Variants in CNTNAP2 observed in about 807,000 individuals in gnomAD.
CNTNAP2 encodes the protein contactin-associated protein-like 2.
A neutral mutation model predicts 155.2 loss-of-function variants in CNTNAP2; 98 were observed. The observed-to-expected ratio is 0.63, with a 90% CI of 0.54 to 0.75. The LOEUF is 0.75. Ranked by LOEUF, CNTNAP2 falls within the 30% of genes least tolerant of loss-of-function variation. The pLI is 0.00. For synonymous variants in CNTNAP2, 651 were observed against 631.2 expected (o/e 1.03, Z -0.47); for missense variants, 1,727 against 1,688.1 (o/e 1.02, Z -0.40).
intron 1 of CNTNAP2, among the ~76,000 whole-genome samples, chr7:146,290,536 A>C (rs1049301468): frequency 2.6e-5 from 4 of 152,198 alleles, no homozygotes; most frequent in African/African-American, 9.7e-5. Flanking sequence ...AAACACTTTA[A>C]ATTCCTATTA....
intron 1 of CNTNAP2, among the ~76,000 whole-genome samples, chr7:146,186,558 T>G (rs1371820775): frequency 6.6e-6 from 1 of 152,180 alleles, no homozygotes. Flanking sequence ...TAAAAATAAC[T>G]TAATCACTTT....
chr7:147,143,525 G>C (rs1274628270), intron 8 of CNTNAP2, among the ~76,000 whole-genome samples: 1 of 151,826 alleles, frequency 6.6e-6, no homozygotes, highest in Non-Finnish European at 1.5e-5. Context: ...TCTGAGTTTA[G>C]CACAATGTCT....
intron 13 of CNTNAP2, among the ~76,000 whole-genome samples, chr7:147,890,599 A>G (rs1352259676): frequency 6.6e-6 from 1 of 152,258 alleles, no homozygotes; most frequent in Non-Finnish European, 1.5e-5. Context: ...CCAAGCGTCC[A>G]TGAATGGATG....
intron 13 of CNTNAP2, among the ~76,000 whole-genome samples, chr7:147,835,031 C>A (rs1429145729): frequency 6.6e-6 from 1 of 152,142 alleles, no homozygotes; most frequent in Non-Finnish European, 1.5e-5. Flanking sequence ...CACCTGGGGA[C>A]TGATCTGCCA....
chr7:146,888,121 T>TCTTA, intron 3 of CNTNAP2, among the ~76,000 whole-genome samples: 1 of 152,100 alleles, frequency 6.6e-6, no homozygotes, highest in East Asian at 1.9e-4. Flanking sequence ...TTTTCCCTCT[T>TCTTA]CTTACTCAAA....
At chr7:148,117,050 C>G (rs1170985203) in intron 15 of CNTNAP2, among the ~76,000 whole-genome samples, 1 of 152,178 alleles carries the variant, frequency 6.6e-6, no homozygotes, top group Non-Finnish European at 1.5e-5. Flanking sequence ...AAGTTGAGAG[C>G]CAACTCTTGA....
At chr7:146,705,744 T>A (rs189665509) in intron 1 of CNTNAP2, among the ~76,000 whole-genome samples, 94 of 152,204 alleles carry the variant, frequency 6.2e-4, no homozygotes, top group African/African-American at 2.2e-3. Context: ...TCAGATCTCA[T>A]GAGACTTATT....
intron 9 of CNTNAP2, among the ~76,000 whole-genome samples, chr7:147,354,569 T>G (rs974145607): frequency 1.3e-5 from 2 of 152,160 alleles, no homozygotes; most frequent in Admixed American, 6.5e-5. Flanking sequence ...CCAGGTAGTG[T>G]GATGGTTACG....
At chr7:146,411,961 C>T (rs1639497) in intron 1 of CNTNAP2, among the ~76,000 whole-genome samples, 1 of 151,814 alleles carries the variant, frequency 6.6e-6, no homozygotes, top group Non-Finnish European at 1.5e-5. Flanking sequence ...CTCAACCTCC[C>T]GAGTAGCTGG....
At chr7:147,391,700 T>C (rs1053643198) in intron 9 of CNTNAP2, among the ~76,000 whole-genome samples, 22 of 152,148 alleles carry the variant, frequency 1.4e-4, no homozygotes, top group African/African-American at 5.1e-4. Context: ...AAAAATAAGC[T>C]CTTTAGAGGG....
At chr7:146,820,573 G>T (rs560279948) in intron 2 of CNTNAP2, among the ~76,000 whole-genome samples, 1 of 152,206 alleles carries the variant, frequency 6.6e-6, no homozygotes, top group Non-Finnish European at 1.5e-5. Flanking sequence ...GCTGAGGAGT[G>T]CTTTACTTCC....
chr7:146,929,040 T>C (rs1161537823), intron 3 of CNTNAP2, among the ~76,000 whole-genome samples: 1 of 152,168 alleles, frequency 6.6e-6, no homozygotes, highest in Non-Finnish European at 1.5e-5. Flanking sequence ...AGCAGTAACC[T>C]CTGCAGACTT....
chr7:148,040,272 C>G (rs916697267), intron 15 of CNTNAP2, among the ~76,000 whole-genome samples: 7 of 152,214 alleles, frequency 4.6e-5, no homozygotes, highest in Non-Finnish European at 8.8e-5. Flanking sequence ...CTTTAACTTT[C>G]TGAACTAAAC....
intron 2 of CNTNAP2, among the ~76,000 whole-genome samples, chr7:146,809,252 A>C (rs1803021801): frequency 6.6e-6 from 1 of 152,166 alleles, no homozygotes; most frequent in Non-Finnish European, 1.5e-5. Flanking sequence ...TCTTTTGATA[A>C]TAGCCATTCT....
At chr7:146,721,825 C>A (rs1801334283) in intron 1 of CNTNAP2, among the ~76,000 whole-genome samples, 5 of 101,248 alleles carry the variant, frequency 4.9e-5, no homozygotes, top group Admixed American at 1.1e-4. Context: ...TATATGTAGA[C>A]TATATATAGT....
intron 20 of CNTNAP2, among the ~76,000 whole-genome samples, chr7:148,247,210 A>G (rs1796277276): frequency 6.6e-6 from 1 of 152,172 alleles, no homozygotes; most frequent in Admixed American, 6.5e-5. Flanking sequence ...CTCTGCTTAT[A>G]TTACTAGTTA....
At chr7:146,126,643 G>C (rs1298830872) in intron 1 of CNTNAP2, among the ~76,000 whole-genome samples, 2 of 152,184 alleles carry the variant, frequency 1.3e-5, no homozygotes, top group Admixed American at 1.3e-4. Context: ...ATCGAAAACT[G>C]TAAATATGAT....
At chr7:146,195,066 T>A (rs1479862153) in intron 1 of CNTNAP2, 1 of 152,230 alleles carries the variant, frequency 6.6e-6, no homozygotes, top group Non-Finnish European at 1.5e-5. Flanking sequence ...TATGGGAGAA[T>A]TAATTCTCCA....
chr7:147,072,960 C>A (rs1468686217), intron 4 of CNTNAP2, among the ~76,000 whole-genome samples: 2 of 146,442 alleles, frequency 1.4e-5, no homozygotes, highest in Non-Finnish European at 3.0e-5. Context: ...TCACACCATT[C>A]TCCTGCCTCA....
Sources: gnomAD v4.1 joint callset for allele counts (sites outside exome capture counted in the v4.1 genomes callset) on GRCh38, gnomAD v4.1.1 for gene constraint, MANE v1.5 for transcripts, NCBI Gene and HGNC (gene_info 2026-07-23, HGNC 2026-07-21) for gene names.